TENM2: variants seen among roughly 807,000 people sequenced by gnomAD.
TENM2 encodes the protein teneurin-2.
A neutral mutation model predicts 245.2 loss-of-function variants in TENM2; 52 were observed. That is an observed-to-expected ratio of 0.21 (90% CI 0.17 to 0.27). TENM2 has a LOEUF of 0.27. Ranked by LOEUF, TENM2 falls within the 10% of genes least tolerant of loss-of-function variation. The pLI is 1.00. For missense variants in TENM2, 3,046 were observed against 3,666.8 expected (o/e 0.83, Z 4.37); for synonymous variants, 1,363 against 1,438.9 (o/e 0.95, Z 1.19).
At chr5:167,979,885 C>T (rs749867570) in intron 4 of TENM2, among the ~76,000 whole-genome samples, 5 of 152,110 alleles carry the variant, frequency 3.3e-5, no homozygotes, top group African/African-American at 7.2e-5. Context: ...ACCAGAGTGA[C>T]GGGATTCCTT....
At chr5:167,352,250 A>G (rs530522594) in intron 1 of TENM2, among the ~76,000 whole-genome samples, 2 of 152,218 alleles carry the variant, frequency 1.3e-5, no homozygotes, top group Admixed American at 6.5e-5. Context: ...CTATTTTTCC[A>G]CAGGCCCCCA....
intron 2 of TENM2, among the ~76,000 whole-genome samples, chr5:167,840,168 G>A (rs1465807316): frequency 6.6e-6 from 1 of 152,190 alleles, no homozygotes; most frequent in African/African-American, 2.4e-5. Flanking sequence ...TTGCCCATAA[G>A]GAAGGGCTAA....
intron 2 of TENM2, among the ~76,000 whole-genome samples, chr5:167,747,199 A>G (rs1252616013): frequency 6.6e-6 from 1 of 152,178 alleles, no homozygotes; most frequent in Non-Finnish European, 1.5e-5. Flanking sequence ...TTTCAAGCCA[A>G]TGTGGGGAGG....
chr5:167,863,671 A>C (rs980799446), intron 2 of TENM2, among the ~76,000 whole-genome samples: 1 of 152,240 alleles, frequency 6.6e-6, no homozygotes, highest in Admixed American at 6.5e-5. Flanking sequence ...ATTAAAAAAT[A>C]CTGGTGCTGT....
intron 2 of TENM2, among the ~76,000 whole-genome samples, chr5:167,659,797 TACTC>T (rs1347258487): frequency 8.5e-5 from 13 of 152,192 alleles, no homozygotes; most frequent in African/African-American, 3.1e-4. Flanking sequence ...AAGGTTCCTC[TACTC>T]ATACAAAAAG....
the TENM2 span, among the ~76,000 whole-genome samples, chr5:166,997,634 G>A: frequency 6.6e-6 from 1 of 152,156 alleles, no homozygotes; most frequent in African/African-American, 2.4e-5. Context: ...GTTAGATCAG[G>A]TATTGTACAC....
intron 1 of TENM2, among the ~76,000 whole-genome samples, chr5:167,342,483 A>G (rs1581788310): frequency 7.8e-6 from 1 of 128,128 alleles, no homozygotes; most frequent in Non-Finnish European, 1.6e-5. Context: ...TCGGGTTTTC[A>G]GGTTTCTCAA....
chr5:167,784,011 C>T (rs935779875), intron 2 of TENM2, among the ~76,000 whole-genome samples: 5 of 152,088 alleles, frequency 3.3e-5, no homozygotes, highest in African/African-American at 1.2e-4. Context: ...CTGAGCCAAG[C>T]AGGAGGCAAA....
chr5:168,124,876 A>G (rs1300296027), exon 11 of TENM2: 1 of 1,612,740 alleles, frequency 6.2e-7, no homozygotes, highest in African/African-American at 1.3e-5. Flanking sequence ...CACCTGCTCC[A>G]GCCACGGAGT....
At chr5:167,237,514 C>T in the TENM2 span, among the ~76,000 whole-genome samples, 1,078 of 145,808 alleles carry the variant, frequency 7.4e-3, 15 homozygotes, top group African/African-American at 0.027. Flanking sequence ...ACTTAAATAT[C>T]ATTTGCTTTT....
chr5:168,182,118 A>G (rs531557263), intron 13 of TENM2, among the ~76,000 whole-genome samples: 9 of 152,182 alleles, frequency 5.9e-5, no homozygotes, highest in Admixed American at 2.6e-4. Context: ...CAGCCAATCT[A>G]TTGCTTTAAA....
intron 2 of TENM2, among the ~76,000 whole-genome samples, chr5:167,593,736 A>G (rs1021282680): frequency 6.6e-6 from 1 of 152,170 alleles, no homozygotes; most frequent in Non-Finnish European, 1.5e-5. Flanking sequence ...TAATAGAAAT[A>G]CTCCTGAAAT....
chr5:166,997,780 C>T, the TENM2 span, among the ~76,000 whole-genome samples: 1 of 152,160 alleles, frequency 6.6e-6, no homozygotes, highest in Non-Finnish European at 1.5e-5. Context: ...AGTCATTGAT[C>T]AACTCAGCAA....
the TENM2 span, among the ~76,000 whole-genome samples, chr5:167,016,080 C>A: frequency 6.6e-6 from 1 of 151,878 alleles, no homozygotes; most frequent in Non-Finnish European, 1.5e-5. Flanking sequence ...CGATGAAACT[C>A]CGTCTCTACT....
At chr5:168,110,958 T>G (rs1794628719) in intron 9 of TENM2, among the ~76,000 whole-genome samples, 1 of 152,180 alleles carries the variant, frequency 6.6e-6, no homozygotes, top group Non-Finnish European at 1.5e-5. Flanking sequence ...CTTCGTTAAC[T>G]TCCCTGGGTT....
At chr5:167,520,200 C>G (rs1157388693) in intron 2 of TENM2, among the ~76,000 whole-genome samples, 1 of 152,112 alleles carries the variant, frequency 6.6e-6, no homozygotes, top group Non-Finnish European at 1.5e-5. Flanking sequence ...TTTTGATATT[C>G]CCTGTAACCA....
intron 19 of TENM2, among the ~76,000 whole-genome samples, chr5:168,206,684 G>C (rs138695387): frequency 6.6e-5 from 10 of 152,266 alleles, no homozygotes; most frequent in Admixed American, 3.3e-4. Flanking sequence ...CCCTTCCCAA[G>C]ATGTTGTTTT....
At chr5:167,597,815 A>G (rs989371648) in intron 2 of TENM2, among the ~76,000 whole-genome samples, 1 of 152,158 alleles carries the variant, frequency 6.6e-6, no homozygotes, top group Admixed American at 6.5e-5. Flanking sequence ...CACTAACCTC[A>G]TTCTCTCATA....
intron 2 of TENM2, among the ~76,000 whole-genome samples, chr5:167,683,572 C>T (rs1000003976): frequency 5.9e-5 from 9 of 152,090 alleles, no homozygotes; most frequent in African/African-American, 1.9e-4. Context: ...ACATAGGCAG[C>T]GTTAGAAATA....
Sources: gnomAD v4.1 joint callset for allele counts (sites outside exome capture counted in the v4.1 genomes callset) on GRCh38, gnomAD v4.1.1 for gene constraint, MANE v1.5 for transcripts, NCBI Gene and HGNC (gene_info 2026-07-23, HGNC 2026-07-21) for gene names.